The following GPD2 variants were observed in gnomAD, a reference collection of about 807,000 sequenced individuals.
GPD2 encodes glycerol-3-phosphate dehydrogenase, mitochondrial.
In GPD2, 54 loss-of-function variants were observed where a neutral mutation model predicts 82.4. The ratio of observed to expected loss-of-function variants is 0.66; its 90% CI spans 0.53 to 0.82. GPD2 has a LOEUF of 0.82. Among genes scored for constraint, GPD2 ranks in the 40% least tolerant of loss-of-function variants. GPD2 has a pLI of 0.00. For missense variants in GPD2, 748 were observed against 896.2 expected (o/e 0.83, Z 2.11); for synonymous variants, 288 against 306.1 (o/e 0.94, Z 0.62).
At chr2:156,569,296 T>C (rs1322045998) in intron 10 of GPD2, 67 bp from the exon 11 acceptor site, 2 of 1,076,588 alleles carry the variant, frequency 1.9e-6, no homozygotes, top group African/African-American at 3.1e-5. Context: ...GGTAAGTTGA[T>C]AAATGGTTAA....
chr2:156,498,641 A>G (rs1389835406), intron 3 of GPD2, among the ~76,000 whole-genome samples: 1 of 152,152 alleles, frequency 6.6e-6, no homozygotes, highest in Non-Finnish European at 1.5e-5. Flanking sequence ...GCTTTATTGA[A>G]TAGATCACTT....
At chr2:156,562,827 C>G (rs1366723959) in intron 9 of GPD2, among the ~76,000 whole-genome samples, 1 of 152,140 alleles carries the variant, frequency 6.6e-6, no homozygotes, top group East Asian at 1.9e-4. Flanking sequence ...TATTACATTA[C>G]TAAAATCTGA....
chr2:156,450,024 C>T (rs991015706), intron 1 of GPD2, among the ~76,000 whole-genome samples: 7 of 150,412 alleles, frequency 4.7e-5, no homozygotes, highest in African/African-American at 1.7e-4. Context: ...GAGAAAAAAG[C>T]ATAGAAAGAA....
At position 156,563,126 on chromosome 2, in the gene GPD2, A is replaced by G. The variant is rs114241813; in HGVS notation, c.1165+5544A>G. Among the ~76,000 whole-genome samples the G allele has an allele frequency of 7.4e-3, 1,130 of 152,290 alleles. 12 individuals are homozygous for G. Among genetic ancestry groups the G allele is most frequent in the Middle Eastern group, 0.024 (7 of 294 alleles). On this transcript the variant is annotated intron_variant, in intron 9 of 16. Coordinates refer to ENST00000438166, the MANE Select transcript of GPD2 (RefSeq NM_000408.5). ...TAGAAACCTACATGAAGCCTAGCAT[A>G]TTATCTCAGAGGCCCAAGCGTTCTT...
At chr2:156,468,316 G>A (rs954142828) in intron 1 of GPD2, among the ~76,000 whole-genome samples, 3 of 152,124 alleles carry the variant, frequency 2.0e-5, no homozygotes, top group Non-Finnish European at 4.4e-5. Context: ...GACCTTCTCT[G>A]ATGAGGTTCT....
At position 156,546,995 on chromosome 2, in the gene GPD2, G is replaced by GA. The variant is rs964456755; in HGVS notation, c.662-2605dup. On this transcript the variant is annotated intron_variant, in intron 6 of 16. Transcript: ENST00000438166. The stretch of plus-strand genomic sequence containing the variant: ...CGTATTCTGTACCTGCTAATAACTA[G>GA]AAAAAAAACAAAGACAAACAAGTAA... Among the ~76,000 whole-genome samples, 5 of 151,878 alleles carry GA rather than the reference G, an allele frequency of 3.3e-5. No individual in the cohort carries two copies. In the East Asian group the frequency reaches 7.7e-4, roughly 24 times the overall value.
At chr2:156,533,800 C>T (rs1056246225) in intron 6 of GPD2, among the ~76,000 whole-genome samples, 7 of 152,324 alleles carry the variant, frequency 4.6e-5, no homozygotes, top group African/African-American at 7.2e-5. Context: ...CTCATCTGTT[C>T]GGCCACCATG....
At chr2:156,468,170 C>G (rs1318234118) in intron 1 of GPD2, among the ~76,000 whole-genome samples, 4 of 152,096 alleles carry the variant, frequency 2.6e-5, no homozygotes, top group African/African-American at 9.7e-5. Flanking sequence ...ACATCTAGTT[C>G]AAGCCACCCA....
chr2:156,569,581 C>G (rs377089562), intron 11 of GPD2, 43 bp downstream of exon 11: 8 of 1,431,864 alleles, frequency 5.6e-6, no homozygotes, highest in Non-Finnish European at 2.0e-6. Context: ...TACCTAATCT[C>G]TCACTGCTGC....
At chr2:156,473,745 T>G (rs2105197323) in intron 1 of GPD2, 1 of 152,342 alleles carries the variant, frequency 6.6e-6, no homozygotes, top group South Asian at 2.1e-4. Context: ...CTTACATTGT[T>G]GTGTGATAGG....
At chr2:156,449,175 T>C (rs2105151142) in intron 1 of GPD2, among the ~76,000 whole-genome samples, 1 of 152,320 alleles carries the variant, frequency 6.6e-6, no homozygotes, top group Non-Finnish European at 1.5e-5. Context: ...TTTTTCCTTA[T>C]AACATTCACA....
At chr2:156,400,624 A>G in the GPD2 span, among the ~76,000 whole-genome samples, 8 of 152,360 alleles carry the variant, frequency 5.3e-5, no homozygotes, top group South Asian at 1.7e-3. Flanking sequence ...AGTGGAAACA[A>G]CTTAGGGTGG....
At chr2:156,497,327 A>T (rs897102845) in intron 3 of GPD2, among the ~76,000 whole-genome samples, 1 of 152,190 alleles carries the variant, frequency 6.6e-6, no homozygotes, top group Non-Finnish European at 1.5e-5. Flanking sequence ...TAAATTATAG[A>T]TAGTATTATA....
intron 3 of GPD2, among the ~76,000 whole-genome samples, chr2:156,504,135 C>T (rs1030801171): frequency 1.3e-5 from 2 of 151,902 alleles, no homozygotes; most frequent in African/African-American, 4.8e-5. Context: ...AAATAACCAA[C>T]TCAATATCAT....
rs1687921120 is a variant in GPD2, at chr2:156,578,901, A to G, written c.1780A>G (p.Thr594Ala). ...ATCTCTGTTTTAGGAACAACTTGAA[A>G]CAGCCAGGAAGTTTCTATATTATGA... is the stretch of plus-strand genomic sequence containing the variant. The part of the protein sequence containing the change: ...DDYKKQEQLE[T>A]ARKFLYYEMG... The change falls in exon 14 of 17, where the codon ACA becomes GCA. Residue 594 changes from threonine (T) to alanine (A), a missense_variant. Around this residue, in one of 3 missense-constraint regions of GPD2, gnomAD observed 692 missense variants for 809.7 expected, o/e 0.85. Transcript: ENST00000438166. The G allele has an allele frequency of 1.9e-6, 3 of 1,595,040 alleles. No homozygotes were observed. The highest frequency in any genetic ancestry group is 1.3e-5 in the African/African-American group (1 of 74,520).
At chr2:156,401,135 G>A in the GPD2 span, among the ~76,000 whole-genome samples, 107 of 152,262 alleles carry the variant, frequency 7.0e-4, no homozygotes, top group African/African-American at 2.5e-3. Flanking sequence ...AAAAAAACTA[G>A]AAGTCAAAAC....
intron 2 of GPD2, among the ~76,000 whole-genome samples, chr2:156,493,924 GTA>G (rs1288300866): frequency 2.8e-5 from 3 of 106,590 alleles, no homozygotes; most frequent in African/African-American, 9.2e-5. Flanking sequence ...TTATATATAT[GTA>G]TGTGTGTGTG....
upstream of GPD2, among the ~76,000 whole-genome samples, chr2:156,434,408 A>G (rs1028133920): frequency 6.6e-6 from 1 of 152,324 alleles, no homozygotes; most frequent in African/African-American, 2.4e-5. Flanking sequence ...GCCCGGCCAC[A>G]AGGAAGTTTT....
intron 2 of GPD2, among the ~76,000 whole-genome samples, chr2:156,486,677 G>A (rs186847191): frequency 9.3e-4 from 141 of 152,260 alleles, no homozygotes; most frequent in African/African-American, 3.2e-3. Flanking sequence ...ATAGAAGTTA[G>A]GCGATTCCAA....
Sources: allele counts gnomAD v4.1 joint callset (sites outside exome capture counted in the v4.1 genomes callset), GRCh38; gene constraint gnomAD v4.1.1; regional missense constraint gnomAD v4.1.1; transcripts MANE v1.5; gene names NCBI Gene and HGNC (gene_info 2026-07-23, HGNC 2026-07-21).